USP31: variants seen among roughly 807,000 people sequenced by gnomAD.
USP31 encodes ubiquitin carboxyl-terminal hydrolase 31.
In USP31, 44 loss-of-function variants were observed where a neutral mutation model predicts 119.4. That is an observed-to-expected ratio of 0.37 (90% CI 0.29 to 0.47). The LOEUF is 0.47. Among genes scored for constraint, USP31 ranks in the 20% least tolerant of loss-of-function variants. The pLI, the probability that USP31 is intolerant of heterozygous loss-of-function variation, is 0.99. For synonymous variants in USP31, 749 were observed against 705.6 expected, an observed-to-expected ratio of 1.06 and a Z score of -0.97; for missense variants, 1,643 against 1,730.2, an observed-to-expected ratio of 0.95 and a Z score of 0.89.
At chr16:23,087,602 A>C in intron 8 of USP31, 122 bp downstream of exon 8, 2 of 881,214 alleles carry the variant, frequency 2.3e-6, no homozygotes, top group East Asian at 2.7e-5. Context: ...TCTTTCATAA[A>C]ATGAGGGATA....
rs1900029993 is a variant in USP31, at chr16:23,065,506, T to A, written c.*2540A>T. ...TAAAGTTGTACCTAGTAGTTGGAGATAATGAAATTTTCACTGTTTACCAAC... is the reference window on the plus strand; with the variant it reads ...TAAAGTTGTACCTAGTAGTTGGAGAAAATGAAATTTTCACTGTTTACCAAC... On this transcript the variant is annotated 3_prime_UTR_variant, in exon 16 of 16. Coordinates refer to ENST00000219689, the MANE Select transcript of USP31 (RefSeq NM_020718.4). The A allele has an allele frequency of 6.6e-6, 1 of 152,592 alleles. No individual in the cohort carries two copies. Among genetic ancestry groups the A allele is most frequent in the Non-Finnish European group, 1.5e-5 (1 of 68,028 alleles). The allele number at this position is 152,592 out of a possible 1,614,324, so 9.5% of individuals were successfully genotyped here.
At chr16:23,141,096 C>A (rs1466108894) in intron 1 of USP31, among the ~76,000 whole-genome samples, 1 of 152,168 alleles carries the variant, frequency 6.6e-6, no homozygotes, top group Non-Finnish European at 1.5e-5. Flanking sequence ...CCTATAACAG[C>A]CCCCATGACT....
chr16:23,082,604 C>T, intron 11 of USP31, 47 bp from the exon 12 acceptor site: 1 of 1,611,904 alleles, frequency 6.2e-7, no homozygotes, highest in Non-Finnish European at 8.5e-7. Context: ...TAATGCAAGA[C>T]TGTGTTACAG....
chr16:23,075,081 C>T (rs570068148), intron 13 of USP31, among the ~76,000 whole-genome samples: 47 of 152,156 alleles, frequency 3.1e-4, no homozygotes, highest in Non-Finnish European at 6.5e-4. Context: ...TGAGAAAGGG[C>T]TACACCAGAC....
At chr16:23,132,490 C>T (rs1176821683) in intron 1 of USP31, among the ~76,000 whole-genome samples, 2 of 152,020 alleles carry the variant, frequency 1.3e-5, no homozygotes, top group East Asian at 3.8e-4. Context: ...ATCCATCAAG[C>T]CACGCACAAA....
At chr16:23,101,703 C>G (rs892776722) in intron 6 of USP31, among the ~76,000 whole-genome samples, 4 of 151,848 alleles carry the variant, frequency 2.6e-5, no homozygotes, top group African/African-American at 7.3e-5. Flanking sequence ...TAAGAGGAAC[C>G]CTGAAGAATG....
Position 23,068,616 on chromosome 16 carries a change from C to G in USP31, c.3489G>C (p.Leu1163Phe), listed in dbSNP as rs1182152555. 1 of 1,614,106 alleles carries G rather than the reference C, an allele frequency of 6.2e-7. No individual in the cohort carries two copies. The highest frequency in any genetic ancestry group is 8.5e-7 in the Non-Finnish European group (1 of 1,180,054). The change falls in exon 16 of 16, where the codon TTG (leucine) becomes TTC (phenylalanine). Residue 1163 changes from leucine (L) to phenylalanine (F), a missense_variant. Leu to Phe is a conservative substitution (Grantham distance 22). Around this residue, in one of 5 missense-constraint regions of USP31, gnomAD observed 699 missense variants for 650.9 expected, o/e 1.07. Coordinates refer to ENST00000219689, the MANE Select transcript of USP31 (RefSeq NM_020718.4). ...AGGTGGCGCTGGCTCTGTCAGAACC[C>G]AAGCTTTGTCTGGAGCCCTCTCTAC... ...SLSREGSRQSLGSDRASATST... is the reference protein window; with the variant it reads ...SLSREGSRQSFGSDRASATST...
At chr16:23,111,152 T>A (rs567212843) in intron 1 of USP31, among the ~76,000 whole-genome samples, 56 of 151,614 alleles carry the variant, frequency 3.7e-4, no homozygotes, top group Middle Eastern at 6.8e-3. Context: ...AAATAATTAA[T>A]TAAATAAAAA....
At chr16:23,074,196 GATGTTTTTGATTGT>G (rs1900466801) in intron 13 of USP31, among the ~76,000 whole-genome samples, 1 of 152,052 alleles carries the variant, frequency 6.6e-6, no homozygotes, top group African/African-American at 2.4e-5. Context: ...AATGAATGGA[GATGTTTTTGATTGT>G]CACAACTCAA....
intron 1 of USP31, among the ~76,000 whole-genome samples, chr16:23,126,499 C>T (rs970971171): frequency 2.0e-5 from 3 of 150,422 alleles, no homozygotes; most frequent in African/African-American, 7.3e-5. Context: ...TGGTGGCGGG[C>T]GCCTATAATC....
In USP31 at chr16:23,061,510, A is replaced by C. The variant is rs1466111112; in HGVS notation, c.*6536T>G. 2.0e-5 allele frequency: 3 copies of C among 152,626 alleles called. 1 individual carries two copies. The highest frequency in any genetic ancestry group is 1.3e-4 in the Admixed American group (2 of 15,286). 9.5% of individuals were successfully genotyped at this position (152,626 alleles called of 1,614,324 possible). A position where few individuals can be genotyped will look rare whatever the true frequency, so the allele number is the denominator to read the frequency against. ...ATAATCAACGCTGTTTCAGAAATAA[A>C]ACGTTTCAAACGTAAAAATATAAAT... On this transcript the variant is annotated 3_prime_UTR_variant, in exon 16 of 16. Transcript: ENST00000219689.
chr16:23,077,977 A>G (rs1386313401), intron 13 of USP31, among the ~76,000 whole-genome samples: 1 of 152,232 alleles, frequency 6.6e-6, no homozygotes, highest in Non-Finnish European at 1.5e-5. Flanking sequence ...GAAGGGTTAG[A>G]TAACATTAGA....
At position 23,090,611 on chromosome 16, in the gene USP31, A is replaced by G; in HGVS notation, c.1415+13T>C. 1 of 1,593,466 alleles carries G rather than the reference A, an allele frequency of 6.3e-7. No homozygotes were observed. The highest frequency in any genetic ancestry group is 8.6e-7 in the Non-Finnish European group (1 of 1,164,108). On this transcript the variant is annotated intron_variant, in intron 7 of 15. Coordinates refer to ENST00000219689, the MANE Select transcript of USP31 (RefSeq NM_020718.4). Reference sequence around the variant, plus strand: ...CAGTCTAGGTACTTACTGGAAAATAATCTGGTTCTCACCTTTTCCCTTGTT... The same window carrying G: ...CAGTCTAGGTACTTACTGGAAAATAGTCTGGTTCTCACCTTTTCCCTTGTT...
intron 11 of USP31, among the ~76,000 whole-genome samples, chr16:23,083,104 ACAAG>A (rs1437348063): frequency 6.6e-6 from 1 of 152,116 alleles, no homozygotes; most frequent in Non-Finnish European, 1.5e-5. Flanking sequence ...TGCTGGGATT[ACAAG>A]CGTGAGCCAC....
chr16:23,110,158 T>C (rs933900111), intron 1 of USP31, among the ~76,000 whole-genome samples: 11 of 152,244 alleles, frequency 7.2e-5, no homozygotes, highest in African/African-American at 2.4e-4. Context: ...TATGCTACCT[T>C]TGCCACTTTT....
chr16:23,064,943 C>G lies in USP31; in HGVS notation c.*3103G>C, dbSNP rs78091431. The stretch of plus-strand genomic sequence containing the variant: ...TTCCCACTGGTCCAGCATATTATTA[C>G]TTACTTTCAGTTCAGCTGCTTTCAG... On this transcript the variant is annotated 3_prime_UTR_variant, in exon 16 of 16. Transcript: ENST00000219689. 4 of 152,174 alleles carry G rather than the reference C, an allele frequency of 2.6e-5. No individual in the cohort carries two copies. Among genetic ancestry groups the G allele is most frequent in the African/African-American group, 9.7e-5 (4 of 41,438 alleles). The allele number at this position is 152,174 out of a possible 1,614,324, so 9.4% of individuals were successfully genotyped here. A position where few individuals can be genotyped will look rare whatever the true frequency, so the allele number is the denominator to read the frequency against.
At position 23,082,429 on chromosome 16, in the gene USP31, T is replaced by C. The variant is rs745715356; in HGVS notation, c.1950+9A>G. ...CTTGTTTGTTCCTGAGGATAAAGGA[T>C]TTCCATACCTGCCGAAATCTCTTTA... is the stretch of plus-strand genomic sequence containing the variant. On this transcript the variant is annotated intron_variant, in intron 12 of 15. Transcript: ENST00000219689. 2.5e-6 allele frequency: 4 copies of C among 1,613,610 alleles called. No individual in the cohort carries two copies. Among genetic ancestry groups the C allele is most frequent in the Non-Finnish European group, 3.4e-6 (4 of 1,179,722 alleles).
chr16:23,077,439 C>G (rs1047420106), intron 13 of USP31, among the ~76,000 whole-genome samples: 4 of 152,192 alleles, frequency 2.6e-5, no homozygotes, highest in African/African-American at 9.7e-5. Context: ...ACAGAGCAGA[C>G]TGAAACAGTG....
intron 5 of USP31, among the ~76,000 whole-genome samples, chr16:23,102,946 G>T (rs1344303735): frequency 6.6e-6 from 1 of 152,124 alleles, no homozygotes; most frequent in African/African-American, 2.4e-5. Flanking sequence ...ATATGCTTAG[G>T]TTCTATGTAA....
Sources: gnomAD v4.1 joint callset for allele counts (sites outside exome capture counted in the v4.1 genomes callset) on GRCh38, gnomAD v4.1.1 for gene constraint, gnomAD v4.1.1 regional missense constraint, MANE v1.5 for transcripts, NCBI Gene and HGNC (gene_info 2026-07-23, HGNC 2026-07-21) for gene names.